Variants in CDH9 observed in about 807,000 individuals in gnomAD.
CDH9 encodes the protein cadherin 9, also known as cadherin-9.
Under a neutral mutation model 70.9 loss-of-function variants are expected in CDH9, and 28 were observed. The ratio of observed to expected loss-of-function variants is 0.40; its 90% CI spans 0.29 to 0.54. The LOEUF (loss-of-function observed/expected upper bound fraction) is 0.54, where lower values mean the gene tolerates loss of function less well. Among genes scored for constraint, CDH9 ranks in the 20% least tolerant of loss-of-function variants. The pLI is 0.59. For missense variants in CDH9, 874 were observed against 984.4 expected, an observed-to-expected ratio of 0.89 and a Z score of 1.50; for synonymous variants, 409 against 343.1, an observed-to-expected ratio of 1.19 and a Z score of -2.12.
intron 1 of CDH9, among the ~76,000 whole-genome samples, chr5:27,009,177 A>G (rs1742915799): frequency 6.6e-6 from 1 of 152,160 alleles, no homozygotes; most frequent in Non-Finnish European, 1.5e-5. Flanking sequence ...AAATTGAAGG[A>G]TTTGATAATT....
Position 26,881,325 on chromosome 5 carries a change from T to C in CDH9, c.2181A>G (p.Pro727=). The change falls in exon 12 of 12, where the codon CCA becomes CCG. Residue 727 remains proline, a synonymous_variant. Coordinates refer to ENST00000231021, the MANE Select transcript of CDH9 (RefSeq NM_016279.4). ...CCAGCGAATCATATGGAGGTGCACTTGGGTCTGCGTCGTTTTCTTTTAATC... is the reference window on the plus strand; with the variant it reads ...CCAGCGAATCATATGGAGGTGCACTCGGGTCTGCGTCGTTTTCTTTTAATC... The part of the protein sequence containing the change: ...HRRLKENDAD[P]SAPPYDSLAT... 6.2e-7 allele frequency: 1 copy of C among 1,613,288 alleles called. No homozygotes were observed. Among genetic ancestry groups the C allele is most frequent in the African/African-American group, 1.3e-5 (1 of 75,008 alleles).
At chr5:27,023,530 C>G (rs939606768) in intron 1 of CDH9, among the ~76,000 whole-genome samples, 21 of 151,994 alleles carry the variant, frequency 1.4e-4, no homozygotes, top group African/African-American at 5.1e-4. Flanking sequence ...CTCTAGTAGG[C>G]CTGGATTCTA....
At chr5:26,895,871 CA>C (rs1450340079) in intron 7 of CDH9, among the ~76,000 whole-genome samples, 3 of 151,960 alleles carry the variant, frequency 2.0e-5, no homozygotes, top group Non-Finnish European at 2.9e-5. Context: ...TCGTAGCAAA[CA>C]AAACAGTCCC....
At chr5:26,928,333 G>T (rs115003991) in intron 2 of CDH9, among the ~76,000 whole-genome samples, 1 of 151,982 alleles carries the variant, frequency 6.6e-6, no homozygotes, top group East Asian at 1.9e-4. Flanking sequence ...AAACATTAAT[G>T]CAAGAAAGGA....
intron 1 of CDH9, among the ~76,000 whole-genome samples, chr5:27,037,733 C>T (rs1001338741): frequency 6.6e-6 from 1 of 151,934 alleles, no homozygotes; most frequent in Admixed American, 6.6e-5. Context: ...GAAACACTCT[C>T]CCTTTCTTGT....
At chr5:26,965,708 AT>A (rs1428980908) in intron 2 of CDH9, among the ~76,000 whole-genome samples, 1 of 151,940 alleles carries the variant, frequency 6.6e-6, no homozygotes, top group African/African-American at 2.4e-5. Flanking sequence ...TAATTATCTG[AT>A]CATTTCTGGG....
chr5:26,892,349 A>G (rs1012060628), intron 7 of CDH9, among the ~76,000 whole-genome samples: 3 of 152,156 alleles, frequency 2.0e-5, no homozygotes, highest in African/African-American at 7.2e-5. Context: ...AGTTTGATTC[A>G]GTAGGTCTGG....
intron 2 of CDH9, among the ~76,000 whole-genome samples, chr5:26,969,704 A>G (rs1427378573): frequency 6.6e-6 from 1 of 152,042 alleles, no homozygotes; most frequent in African/African-American, 2.4e-5. Context: ...CCATAGCTGT[A>G]TAGTTTGATT....
At chr5:26,888,974 T>A (rs569035453) in intron 9 of CDH9, among the ~76,000 whole-genome samples, 16 of 152,178 alleles carry the variant, frequency 1.1e-4, no homozygotes, top group Admixed American at 4.6e-4. Flanking sequence ...TGAAACACCA[T>A]CTCCAAATAC....
intron 1 of CDH9, among the ~76,000 whole-genome samples, chr5:27,012,454 A>T (rs1404199550): frequency 6.6e-6 from 1 of 151,964 alleles, no homozygotes; most frequent in African/African-American, 2.4e-5. Flanking sequence ...TTCCGTTAAT[A>T]TTCTGGGGCT....
chr5:27,014,365 G>A (rs767232418), intron 1 of CDH9, among the ~76,000 whole-genome samples: 1 of 151,854 alleles, frequency 6.6e-6, no homozygotes, highest in Non-Finnish European at 1.5e-5. Context: ...CCTTGCTGCA[G>A]GAAGTTAATG....
intron 2 of CDH9, among the ~76,000 whole-genome samples, chr5:26,958,024 T>C (rs1741974731): frequency 6.6e-6 from 1 of 152,182 alleles, no homozygotes; most frequent in Admixed American, 6.6e-5. Context: ...GAAGAAATTC[T>C]AGCAAGTTCC....
intron 9 of CDH9, among the ~76,000 whole-genome samples, chr5:26,886,576 T>C (rs1453575664): frequency 6.6e-6 from 1 of 152,046 alleles, no homozygotes; most frequent in Non-Finnish European, 1.5e-5. Flanking sequence ...AATAAATTTG[T>C]CTGTACTATC....
intron 2 of CDH9, among the ~76,000 whole-genome samples, chr5:26,976,352 A>G (rs1287527103): frequency 6.6e-6 from 1 of 152,198 alleles, no homozygotes; most frequent in African/African-American, 2.4e-5. Context: ...TGACCTTCCT[A>G]TAAGATTGAA....
At chr5:26,986,905 A>G (rs921433047) in intron 2 of CDH9, among the ~76,000 whole-genome samples, 21 of 151,988 alleles carry the variant, frequency 1.4e-4, no homozygotes, top group African/African-American at 5.1e-4. Flanking sequence ...AGCATGACCT[A>G]TGGAACCAGA....
At chr5:26,934,258 G>T (rs898111959) in intron 2 of CDH9, among the ~76,000 whole-genome samples, 1 of 152,204 alleles carries the variant, frequency 6.6e-6, no homozygotes, top group Non-Finnish European at 1.5e-5. Flanking sequence ...TTGACCCCAT[G>T]AGTTTGTGAC....
intron 1 of CDH9, among the ~76,000 whole-genome samples, chr5:27,000,397 T>A (rs190629190): frequency 1.2e-4 from 18 of 152,250 alleles, no homozygotes; most frequent in African/African-American, 4.3e-4. Context: ...CAACAGTAAC[T>A]CTTTCGCTGC....
chr5:26,999,490 G>A (rs1742726935), intron 1 of CDH9, among the ~76,000 whole-genome samples: 1 of 152,100 alleles, frequency 6.6e-6, no homozygotes, highest in South Asian at 2.1e-4. Flanking sequence ...TTGCTATGTA[G>A]GTACAGTAAT....
intron 1 of CDH9, among the ~76,000 whole-genome samples, chr5:26,990,164 T>C (rs1226546133): frequency 1.3e-5 from 2 of 152,154 alleles, no homozygotes; most frequent in Non-Finnish European, 2.9e-5. Flanking sequence ...ATCATCATTA[T>C]CATTGTCATC....
Sources: allele counts gnomAD v4.1 joint callset (sites outside exome capture counted in the v4.1 genomes callset), GRCh38; gene constraint gnomAD v4.1.1; transcripts MANE v1.5; gene names NCBI Gene and HGNC (gene_info 2026-07-23, HGNC 2026-07-21).